Variants in SETD9 observed in about 807,000 individuals in gnomAD.
SETD9 encodes the protein SET domain-containing protein 9.
SETD9 carries 37 observed loss-of-function variants against 36.4 expected under a neutral mutation model. The ratio of observed to expected loss-of-function variants is 1.02; its 90% CI spans 0.78 to 1.34. SETD9 has a LOEUF of 1.34. Among genes scored for constraint, SETD9 ranks in the 40% most tolerant of loss-of-function variants. The pLI is 0.00. For missense variants in SETD9, 323 were observed against 353.2 expected (o/e 0.91, Z 0.69); for synonymous variants, 128 against 132.9 (o/e 0.96, Z 0.26).
At chr5:56,911,688 T>A in intron 2 of SETD9, 152 bp downstream of exon 2, 1 of 775,504 alleles carries the variant, frequency 1.3e-6, no homozygotes, top group Non-Finnish European at 1.9e-6. Flanking sequence ...ATTCGGAAAT[T>A]AACTGTTTGT....
rs1749461257 is a variant in SETD9 at position 56,916,900 on chromosome 5, T to C, written c.898T>C (p.Ter300GlnextTer21). The change falls in exon 6 of 6, where the codon TAA (stop) becomes CAA (glutamine). Residue 300 changes from the stop codon to glutamine (Q), a stop_lost. Transcript: ENST00000285947. ...LFSNYYTIVS[*>Q] ...TTCAAACTACTACACAATTGTCAGC[T>C]AACTCTGTGAATCAGAAATTATTAG... 6.3e-7 allele frequency: 1 copy of C among 1,597,206 alleles called. No homozygotes were observed. The highest frequency in any genetic ancestry group is 8.5e-7 in the Non-Finnish European group (1 of 1,174,498).
chr5:56,928,604 G>A, downstream of SETD9: 1 of 512,576 alleles, frequency 2.0e-6, no homozygotes, highest in South Asian at 3.4e-5. Context: ...TCCATAAGCA[G>A]GCTGTGGCAT....
At chr5:56,911,654 T>G in intron 2 of SETD9, 118 bp downstream of exon 2, 2 of 1,145,794 alleles carry the variant, frequency 1.7e-6, no homozygotes, top group Non-Finnish European at 2.3e-6. Context: ...GAAACTCGAG[T>G]TTCCATAGAT....
At chr5:56,920,589 G>A (rs535650576), downstream of SETD9, 1 of 152,374 alleles carries the variant, frequency 6.6e-6, no homozygotes, top group East Asian at 1.9e-4. Context: ...TTAATAAACA[G>A]TAACAAATTC....
At chr5:56,919,375 C>T (rs151072644), downstream of SETD9, among the ~76,000 whole-genome samples, 51 of 152,138 alleles carry the variant, frequency 3.4e-4, no homozygotes, top group African/African-American at 1.2e-3. Context: ...CTGCCCGCCT[C>T]GGCCTCTCAA....
chr5:56,909,580 G>A (rs950420022), upstream of SETD9: 21 of 1,338,784 alleles, frequency 1.6e-5, no homozygotes, highest in East Asian at 2.8e-5. Flanking sequence ...CTCCCGGGCC[G>A]GGGCGGGCCC....
rs554394507 is a variant in SETD9, at chr5:56,916,947, T to G, written c.*45T>G. 6.5e-6 allele frequency: 10 copies of G among 1,547,860 alleles called. No individual in the cohort carries two copies. In the African/African-American group the frequency reaches 1.4e-4, roughly 22 times the overall value. ...TTAGGTTTTCTACTCAGCTATTAAT[T>G]CTAAGTGTTTTTTGTTAATCACTTC... is the stretch of plus-strand genomic sequence containing the variant. On this transcript the variant is annotated 3_prime_UTR_variant, in exon 6 of 6. Coordinates refer to ENST00000285947, the MANE Select transcript of SETD9 (RefSeq NM_153706.4).
chr5:56,910,508 G>C, intron 1 of SETD9: 1 of 927,026 alleles, frequency 1.1e-6, no homozygotes, highest in African/African-American at 1.8e-5. Flanking sequence ...GGGAAACAAA[G>C]CGGTTTCCGG....
Position 56,909,641 on chromosome 5 carries a change from C to T in SETD9, c.-5C>T, listed in dbSNP as rs761708780. ...CCGTCCTGGTCACGGCCCCGCGGGGCAGCCATGCCTGGCCGTCTGCTGCGG... is the reference window on the plus strand; with the variant it reads ...CCGTCCTGGTCACGGCCCCGCGGGGTAGCCATGCCTGGCCGTCTGCTGCGG... On this transcript the variant is annotated 5_prime_UTR_variant, in exon 1 of 6. Coordinates refer to ENST00000285947, the MANE Select transcript of SETD9 (RefSeq NM_153706.4). 4 of 1,602,614 alleles carry T rather than the reference C, an allele frequency of 2.5e-6. No homozygotes were observed. The Admixed American group carries it at 6.7e-5, about 27-fold the overall frequency.
downstream of SETD9, chr5:56,928,556 G>A: frequency 2.7e-6 from 1 of 377,150 alleles, no homozygotes; most frequent in Non-Finnish European, 4.8e-6. Context: ...TGTGTCAACT[G>A]TTTATGTGAA....
At chr5:56,911,961 C>G (rs1749155009) in intron 2 of SETD9, among the ~76,000 whole-genome samples, 1 of 152,110 alleles carries the variant, frequency 6.6e-6, no homozygotes, top group Non-Finnish European at 1.5e-5. Context: ...TGAGACCAGT[C>G]TGGCCAACAT....
downstream of SETD9, chr5:56,921,502 A>G (rs1256259776): frequency 1.0e-4 from 16 of 152,626 alleles, no homozygotes; most frequent in Non-Finnish European, 4.4e-5. Flanking sequence ...ATTTTATACT[A>G]ATGTGCTACT....
intron 2 of SETD9, among the ~76,000 whole-genome samples, chr5:56,911,813 T>C (rs1401593875): frequency 6.6e-6 from 1 of 152,220 alleles, no homozygotes; most frequent in African/African-American, 2.4e-5. Flanking sequence ...TGACCCACTT[T>C]GACAAATTAC....
rs1384427493 is a variant in SETD9 at position 56,911,514 on chromosome 5, C to T, written c.444C>T (p.Gly148=). The part of the protein sequence containing the change: ...VFVTKGLVPK[G]AVVSMYPGTV... ...TTACTAAAGGATTGGTACCAAAAGG[C>T]GCAGTCGTATCTATGTATCCTGGTA... The change falls in exon 2 of 6, where the codon GGC becomes GGT. Residue 148 remains glycine (G), a synonymous_variant. Transcript: ENST00000285947. 4 of 1,577,898 alleles carry T rather than the reference C, an allele frequency of 2.5e-6. No homozygotes were observed. The highest frequency in any genetic ancestry group is 2.2e-5 in the East Asian group (1 of 44,658).
At chr5:56,919,340 G>T (rs1749556546), downstream of SETD9, among the ~76,000 whole-genome samples, 1 of 151,962 alleles carries the variant, frequency 6.6e-6, no homozygotes. Context: ...TGGTCAGGCT[G>T]GTCTTGAACT....
chr5:56,914,481 A>G (rs1665425745), intron 4 of SETD9, among the ~76,000 whole-genome samples: 1 of 152,138 alleles, frequency 6.6e-6, no homozygotes, highest in South Asian at 2.1e-4. Flanking sequence ...TTTTATTAGT[A>G]TTTAACCTTT....
At chr5:56,911,654 T>C in intron 2 of SETD9, 118 bp downstream of exon 2, 1 of 1,145,794 alleles carries the variant, frequency 8.7e-7, no homozygotes, top group Middle Eastern at 2.6e-4. Context: ...GAAACTCGAG[T>C]TTCCATAGAT....
intron 5 of SETD9, chr5:56,922,857 A>C: frequency 2.4e-6 from 1 of 413,024 alleles, no homozygotes; most frequent in Non-Finnish European, 4.5e-6. Flanking sequence ...GGGAAGAGGT[A>C]TTGGGAGATG....
chr5:56,918,436 C>A (rs759730628), downstream of SETD9, among the ~76,000 whole-genome samples: 1 of 152,150 alleles, frequency 6.6e-6, no homozygotes, highest in Non-Finnish European at 1.5e-5. Flanking sequence ...TTAGCACTTA[C>A]CACCAGCAAG....
Sources: gnomAD v4.1 joint callset for allele counts (sites outside exome capture counted in the v4.1 genomes callset) on GRCh38, gnomAD v4.1.1 for gene constraint, MANE v1.5 for transcripts, NCBI Gene and HGNC (gene_info 2026-07-23, HGNC 2026-07-21) for gene names.